DMGDH: variants seen among roughly 807,000 people sequenced by gnomAD.
DMGDH encodes dimethylglycine dehydrogenase, mitochondrial.
A neutral mutation model predicts 95.2 loss-of-function variants in DMGDH; 76 were observed. The observed-to-expected ratio is 0.80, with a 90% confidence interval of 0.66 to 0.97. The LOEUF is 0.97. Among genes scored for constraint, DMGDH ranks in the 50% least tolerant of loss-of-function variants. DMGDH has a pLI of 0.00. For synonymous variants in DMGDH, 345 were observed against 377.6 expected, an observed-to-expected ratio of 0.91 and a Z score of 1.00; for missense variants, 987 against 1,055.0, an observed-to-expected ratio of 0.94 and a Z score of 0.89.
intron 6 of DMGDH, 46 bp downstream of exon 6, chr5:79,044,258 A>C: frequency 6.2e-6 from 10 of 1,613,736 alleles, no homozygotes; most frequent in Non-Finnish European, 8.5e-6. Flanking sequence ...GGAGAGGATG[A>C]ACCATTCATG....
chr5:79,003,790 T>C (rs1022540486), intron 15 of DMGDH, among the ~76,000 whole-genome samples: 2 of 151,778 alleles, frequency 1.3e-5, no homozygotes, highest in African/African-American at 2.4e-5. Context: ...CTACTAAAAA[T>C]ACAAAAATTA....
At chr5:79,059,072 A>T (rs73132148) in intron 2 of DMGDH, among the ~76,000 whole-genome samples, 10,847 of 152,306 alleles carry the variant, frequency 0.071, 861 homozygotes, top group African/African-American at 0.18. Context: ...TGATATGTAA[A>T]TATTAATAGA....
chr5:79,045,808 C>T (rs1754655576), intron 5 of DMGDH, among the ~76,000 whole-genome samples: 1 of 152,108 alleles, frequency 6.6e-6, no homozygotes. Context: ...ATAAGGAGTT[C>T]TGAAGTCTCT....
intron 7 of DMGDH, among the ~76,000 whole-genome samples, chr5:79,037,412 A>G (rs1294307836): frequency 1.1e-4 from 16 of 152,320 alleles, no homozygotes; most frequent in African/African-American, 3.8e-4. Flanking sequence ...GCACTGATAT[A>G]AGCCAGGAGG....
Position 79,052,194 on chromosome 5 carries a change from T to C in DMGDH, c.541-703A>G, listed in dbSNP as rs190905942. On this transcript the variant is annotated intron_variant, in intron 4 of 15. Transcript: ENST00000255189. ...CATACTGCATAATCTGTTTTATATGTTACTGAATTCAGTTTGCTAGTATTT... is the reference window on the plus strand; with the variant it reads ...CATACTGCATAATCTGTTTTATATGCTACTGAATTCAGTTTGCTAGTATTT... Among the ~76,000 whole-genome samples, 8 of 152,356 alleles carry C rather than the reference T, an allele frequency of 5.3e-5. No homozygotes were observed. In the East Asian group the frequency reaches 1.5e-3, roughly 29 times the overall value.
chr5:79,004,168 T>C (rs951241743), intron 15 of DMGDH, among the ~76,000 whole-genome samples: 1 of 152,106 alleles, frequency 6.6e-6, no homozygotes, highest in Admixed American at 6.5e-5. Flanking sequence ...CAAAGCCTCA[T>C]CTTTAAAATG....
At chr5:79,014,818 T>C (rs912033943) in intron 14 of DMGDH, among the ~76,000 whole-genome samples, 7 of 152,298 alleles carry the variant, frequency 4.6e-5, no homozygotes, top group African/African-American at 1.4e-4. Flanking sequence ...TCAGTAAATG[T>C]CAGAGTCACA....
rs761872621 is a variant in DMGDH at position 79,005,456 on chromosome 5, A to G, written c.2251-49T>C. ...GATGAATGAATGCTCAGACACTGTG[A>G]CAAGGTTAGAGATGCAAGCATTTAA... On this transcript the variant is annotated intron_variant, in intron 14 of 15. Coordinates refer to ENST00000255189, the MANE Select transcript of DMGDH (RefSeq NM_013391.3). 5.0e-6 allele frequency: 8 copies of G among 1,612,754 alleles called. No homozygotes were observed. In the African/African-American group the frequency reaches 1.1e-4, roughly 22 times the overall value.
chr5:79,001,819 G>T (rs901757123), intron 15 of DMGDH, among the ~76,000 whole-genome samples: 2 of 152,100 alleles, frequency 1.3e-5, no homozygotes, highest in Admixed American at 6.6e-5. Flanking sequence ...CTCTAATCCA[G>T]GTTTAGAAGC....
Position 79,031,002 on chromosome 5 carries a change from A to T in DMGDH, c.1518-4T>A, listed in dbSNP as rs72764929. 12,554 of 1,614,178 alleles carry T rather than the reference A, an allele frequency of 7.8e-3. 69 individuals carry two copies. The highest frequency in any genetic ancestry group is 9.6e-3 in the Non-Finnish European group (11,333 of 1,180,014). On this transcript the variant is annotated splice_region_variant and splice_polypyrimidine_tract_variant and intron_variant, in intron 9 of 15. Transcript: ENST00000255189. ...GTTTGTGCGGCGAAAACTTGGCCTGAAACACAACATTTAGTGTCATAAAAC... is the reference window on the plus strand; with the variant it reads ...GTTTGTGCGGCGAAAACTTGGCCTGTAACACAACATTTAGTGTCATAAAAC...
intron 2 of DMGDH, among the ~76,000 whole-genome samples, chr5:79,056,388 C>T (rs1370403668): frequency 6.6e-6 from 1 of 151,308 alleles, no homozygotes; most frequent in Non-Finnish European, 1.5e-5. Context: ...ATTAAAAATA[C>T]AAAAATTAGC....
At chr5:79,051,165 A>G in intron 5 of DMGDH, 122 bp downstream of exon 5, 2 of 1,108,992 alleles carry the variant, frequency 1.8e-6, no homozygotes, top group Non-Finnish European at 2.7e-6. Flanking sequence ...AACAGACAAA[A>G]TGTTTAACTT....
rs1754859717 is a variant in DMGDH at position 79,051,493 on chromosome 5, T to G, written c.541-2A>C. On this transcript the variant is annotated splice_acceptor_variant, in intron 4 of 15. Transcript: ENST00000255189. LOFTEE classifies it high-confidence loss of function. ...AGGATTATACAATCCAGCTAAAACC[T>G]AAATCAATCATACCAGAGTCAATAC... The G allele has an allele frequency of 6.2e-7, 1 of 1,613,338 alleles. No individual in the cohort carries two copies.
intron 14 of DMGDH, among the ~76,000 whole-genome samples, chr5:79,017,435 ATAAAT>A (rs1283155326): frequency 6.6e-6 from 1 of 152,252 alleles, no homozygotes; most frequent in Non-Finnish European, 1.5e-5. Context: ...CATTAAGGAA[ATAAAT>A]TAAAACCATC....
In DMGDH at chr5:79,050,129, C is replaced by T. The variant is rs1002356734; in HGVS notation, c.745+1158G>A. On this transcript the variant is annotated intron_variant, in intron 5 of 15. Transcript: ENST00000255189. The stretch of plus-strand genomic sequence containing the variant: ...AAAATTAGCCGGGTGTGGTGGCAGG[C>T]GCCTGTTATTCCTGCCACTCAGGAG... Among the ~76,000 whole-genome samples, 6 of 150,362 alleles carry T rather than the reference C, an allele frequency of 4.0e-5. No homozygotes were observed. The East Asian group carries it at 5.9e-4, about 15-fold the overall frequency.
chr5:79,044,148 G>A (rs747365108), intron 6 of DMGDH, among the ~76,000 whole-genome samples, 156 bp downstream of exon 6: 6 of 152,158 alleles, frequency 3.9e-5, no homozygotes, highest in Non-Finnish European at 5.9e-5. Context: ...AAAGGGATAC[G>A]AGAACAGAGC....
At chr5:79,056,054 G>T in intron 2 of DMGDH, 146 bp from the exon 3 acceptor site, 2 of 650,518 alleles carry the variant, frequency 3.1e-6, no homozygotes, top group South Asian at 3.5e-5. Flanking sequence ...ATCAGCACCA[G>T]TTTGAGCACA....
At chr5:79,026,229 A>G (rs1433017889) in intron 13 of DMGDH, among the ~76,000 whole-genome samples, 195 bp downstream of exon 13, 4 of 152,220 alleles carry the variant, frequency 2.6e-5, no homozygotes, top group Non-Finnish European at 4.4e-5. Context: ...CAGAATAAAC[A>G]TATGTCAGAA....
At chr5:79,056,276 G>T (rs1221308691) in intron 2 of DMGDH, among the ~76,000 whole-genome samples, 2 of 152,142 alleles carry the variant, frequency 1.3e-5, no homozygotes, top group Non-Finnish European at 2.9e-5. Flanking sequence ...ATCTTGGGAG[G>T]CCAAGGTGGG....
Sources: gnomAD v4.1 joint callset for allele counts (sites outside exome capture counted in the v4.1 genomes callset) on GRCh38, gnomAD v4.1.1 for gene constraint, MANE v1.5 for transcripts, NCBI Gene and HGNC (gene_info 2026-07-23, HGNC 2026-07-21) for gene names.